Variants in TRERF1 observed in about 807,000 individuals in gnomAD.
TRERF1 encodes transcriptional regulating factor 1, also known as transcriptional-regulating factor 1.
Under a neutral mutation model 122.9 loss-of-function variants are expected in TRERF1, and 27 were observed. The observed-to-expected ratio is 0.22, with a 90% confidence interval of 0.16 to 0.30. The LOEUF is 0.30. Among genes scored for constraint, TRERF1 ranks in the 10% least tolerant of loss-of-function variants. The pLI, the probability that TRERF1 is intolerant of heterozygous loss-of-function variation, is 1.00. For missense variants in TRERF1, 1,248 were observed against 1,560.3 expected (o/e 0.80, Z 3.37); for synonymous variants, 636 against 641.7 (o/e 0.99, Z 0.13).
intron 3 of TRERF1, among the ~76,000 whole-genome samples, chr6:42,322,042 A>T (rs1763545373): frequency 6.6e-6 from 1 of 152,224 alleles, no homozygotes; most frequent in African/African-American, 2.4e-5. Flanking sequence ...AGATGACAGA[A>T]GTTGGAAAGT....
intron 3 of TRERF1, among the ~76,000 whole-genome samples, chr6:42,310,940 G>A (rs188266247): frequency 1.4e-4 from 21 of 152,282 alleles, no homozygotes; most frequent in East Asian, 9.6e-4. Context: ...CCTTTTTGGC[G>A]TTGATGTTTG....
chr6:42,298,577 G>A (rs1451498508), intron 4 of TRERF1, among the ~76,000 whole-genome samples: 1 of 149,126 alleles, frequency 6.7e-6, no homozygotes, highest in East Asian at 2.0e-4. Flanking sequence ...GGCTGAAGTG[G>A]GTGGATCACT....
intron 8 of TRERF1, among the ~76,000 whole-genome samples, chr6:42,262,466 G>GAGAGAGAGACA (rs747014228): frequency 3.1e-4 from 2 of 6,406 alleles, no homozygotes; most frequent in African/African-American, 1.7e-3. Context: ...GAGAGAGAGA[G>GAGAGAGAGACA]GAGAGAGAGA....
intron 3 of TRERF1, among the ~76,000 whole-genome samples, chr6:42,348,322 C>T (rs1768739024): frequency 6.6e-6 from 1 of 152,066 alleles, no homozygotes; most frequent in Admixed American, 6.5e-5. Flanking sequence ...GGCACAATCT[C>T]AGCTCACTGC....
At chr6:42,319,579 TG>T (rs78575461) in intron 3 of TRERF1, among the ~76,000 whole-genome samples, 5,358 of 152,228 alleles carry the variant, frequency 0.035, 214 homozygotes, top group East Asian at 0.21. Flanking sequence ...CCCAGCATTT[TG>T]GGGGGCTGAG....
At chr6:42,281,039 T>A (rs536765597) in intron 4 of TRERF1, among the ~76,000 whole-genome samples, 1 of 152,184 alleles carries the variant, frequency 6.6e-6, no homozygotes, top group Non-Finnish European at 1.5e-5. Flanking sequence ...TTCTGGTTAC[T>A]GAGAGGCCTC....
In TRERF1 at chr6:42,232,633, G is replaced by A. The variant is rs368870914; in HGVS notation, c.3278+48C>T. 322 of 1,525,532 alleles carry A rather than the reference G, an allele frequency of 2.1e-4. 4 individuals are homozygous for A. Among genetic ancestry groups the A allele is most frequent in the South Asian group, 1.9e-3 (145 of 78,304 alleles). 94.5% of individuals were successfully genotyped at this position (1,525,532 alleles called of 1,614,324 possible). A position where few individuals can be genotyped will look rare whatever the true frequency, so the allele number is the denominator to read the frequency against. On this transcript the variant is annotated intron_variant, in intron 17 of 17. Coordinates refer to ENST00000372922, the Ensembl canonical transcript of TRERF1. This position sits in a 1 kb window ranked among gnomAD's most constrained non-coding sequence, Gnocchi z 4.5. The stretch of plus-strand genomic sequence containing the variant: ...CATCCTGGCCCAGCTCCCATAGAGC[G>A]ACTACCCATCATGAACTCAGATTCA...
chr6:42,381,970 A>G (rs1776013798), intron 2 of TRERF1, among the ~76,000 whole-genome samples: 1 of 151,572 alleles, frequency 6.6e-6, no homozygotes, highest in Non-Finnish European at 1.5e-5. Context: ...TATAATAGCT[A>G]ACACTTAATG....
intron 13 of TRERF1, among the ~76,000 whole-genome samples, chr6:42,248,152 T>C (rs1025801559): frequency 1.3e-5 from 2 of 152,116 alleles, no homozygotes; most frequent in African/African-American, 4.8e-5. Flanking sequence ...GTGGGGAGCC[T>C]AGGGTCCTTA....
chr6:42,331,700 A>G (rs1348357555), intron 3 of TRERF1, among the ~76,000 whole-genome samples: 1 of 152,150 alleles, frequency 6.6e-6, no homozygotes, highest in Admixed American at 6.5e-5. Flanking sequence ...GCACCCTGTG[A>G]GCCACAGGGC....
intron 3 of TRERF1, among the ~76,000 whole-genome samples, chr6:42,353,957 T>C (rs1297537430): frequency 6.6e-6 from 1 of 152,242 alleles, no homozygotes; most frequent in Non-Finnish European, 1.5e-5. Flanking sequence ...ACAATGGATA[T>C]GTATTACTTT....
At chr6:42,312,968 C>A (rs1761923300) in intron 3 of TRERF1, among the ~76,000 whole-genome samples, 1 of 152,222 alleles carries the variant, frequency 6.6e-6, no homozygotes, top group Non-Finnish European at 1.5e-5. Flanking sequence ...CCCTCATCTA[C>A]CCATAGCTTG....
chr6:42,345,917 T>C (rs78755417), intron 3 of TRERF1, among the ~76,000 whole-genome samples: 2 of 152,296 alleles, frequency 1.3e-5, no homozygotes, highest in East Asian at 1.9e-4. Context: ...ATCAACAATA[T>C]GCATCCAGTG....
intron 2 of TRERF1, among the ~76,000 whole-genome samples, chr6:42,433,294 A>G (rs1241360177): frequency 6.6e-6 from 1 of 152,142 alleles, no homozygotes; most frequent in Non-Finnish European, 1.5e-5. Flanking sequence ...TTAAGAGCCC[A>G]AGATACCAGA....
chr6:42,408,589 G>C (rs1253261548), intron 2 of TRERF1, among the ~76,000 whole-genome samples: 1 of 151,752 alleles, frequency 6.6e-6, no homozygotes, highest in African/African-American at 2.4e-5. Context: ...TGTTGGCCAG[G>C]CTGATCTCCA....
At chr6:42,437,854 G>A (rs80211154) in intron 2 of TRERF1, among the ~76,000 whole-genome samples, 68 of 152,128 alleles carry the variant, frequency 4.5e-4, no homozygotes, top group Non-Finnish European at 5.6e-4. Context: ...GAGGGTTAAA[G>A]GGGGAACAGA....
At chr6:42,274,959 A>T (rs1780905189) in intron 4 of TRERF1, among the ~76,000 whole-genome samples, 1 of 151,808 alleles carries the variant, frequency 6.6e-6, no homozygotes, top group African/African-American at 2.4e-5. Context: ...TCCACCTTCC[A>T]CCCCCATCCC....
At chr6:42,399,652 T>C (rs555329122) in intron 2 of TRERF1, among the ~76,000 whole-genome samples, 2 of 152,312 alleles carry the variant, frequency 1.3e-5, no homozygotes, top group African/African-American at 2.4e-5. Context: ...GTCACATGCA[T>C]TGCTGTAGTC....
intron 3 of TRERF1, among the ~76,000 whole-genome samples, chr6:42,313,627 C>T (rs868245005): frequency 1.8e-4 from 27 of 152,122 alleles, no homozygotes; most frequent in African/African-American, 6.5e-4. Flanking sequence ...AAGGAATTCC[C>T]TTGAAGACCC....
Sources: allele counts gnomAD v4.1 joint callset (sites outside exome capture counted in the v4.1 genomes callset), GRCh38; gene constraint gnomAD v4.1.1; non-coding constraint Gnocchi (gnomAD v3.1); transcripts MANE v1.5; gene names NCBI Gene and HGNC (gene_info 2026-07-23, HGNC 2026-07-21).